The following PCDH9 variants were observed in gnomAD, a reference collection of about 807,000 sequenced individuals.
The protein encoded by PCDH9 is protocadherin-9.
Under a neutral mutation model 70.6 loss-of-function variants are expected in PCDH9, and 24 were observed. The ratio of observed to expected loss-of-function variants is 0.34; its 90% confidence interval spans 0.25 to 0.48. PCDH9 has a LOEUF of 0.48. Among genes scored for constraint, PCDH9 ranks in the 20% least tolerant of loss-of-function variants. The probability of loss-of-function intolerance (pLI) is 0.99; values close to 1 mark genes in which losing one functional copy is unlikely to be tolerated. For synonymous variants in PCDH9, 562 were observed against 558.5 expected (o/e 1.01, Z -0.09); for missense variants, 1,281 against 1,503.6 (o/e 0.85, Z 2.45).
At position 66,399,381 on chromosome 13, in the gene PCDH9, A is replaced by T. The variant is rs538766764; in HGVS notation, c.3341-94353T>A. ...AGACTGCATCTTTCTATCTTTTGCC[A>T]GCGGCTTATTTTTGATGTTCAAGTG... is the stretch of plus-strand genomic sequence containing the variant. On this transcript the variant is annotated intron_variant, in intron 4 of 4. Transcript: ENST00000377865. 5.3e-5 allele frequency among the ~76,000 whole-genome samples: 8 copies of T among 152,252 alleles called. No homozygotes were observed. In the East Asian group the frequency reaches 1.5e-3, roughly 29 times the overall value.
In PCDH9 at chr13:66,305,180, T is replaced by C. The variant is rs183696875; in HGVS notation, c.3341-152A>G. The C allele has an allele frequency of 1.9e-5, 14 of 722,878 alleles. No individual in the cohort carries two copies. The Admixed American group carries it at 2.4e-4, about 13-fold the overall frequency. 44.8% of individuals were successfully genotyped at this position (722,878 alleles called of 1,614,324 possible). On this transcript the variant is annotated intron_variant, in intron 4 of 4. Coordinates refer to ENST00000377865, the MANE Select transcript of PCDH9 (RefSeq NM_203487.3). ...CTCAAAGATATATTTCTCCATCTTT[T>C]AAAGATTAACACAAAAGGCATCAAA... is the stretch of plus-strand genomic sequence containing the variant.
intron 3 of PCDH9, among the ~76,000 whole-genome samples, chr13:66,880,963 A>G (rs1594199957): frequency 1.3e-5 from 2 of 152,176 alleles, no homozygotes; most frequent in South Asian, 4.1e-4. Flanking sequence ...GCAAATTACT[A>G]CACCTTTTAC....
intron 2 of PCDH9, among the ~76,000 whole-genome samples, chr13:67,194,280 C>A (rs1186125131): frequency 1.3e-5 from 2 of 151,966 alleles, no homozygotes; most frequent in Non-Finnish European, 2.9e-5. Flanking sequence ...TTGATTCACT[C>A]ATAAAATCAT....
At chr13:66,895,631 A>G (rs902906287) in intron 3 of PCDH9, among the ~76,000 whole-genome samples, 1 of 152,232 alleles carries the variant, frequency 6.6e-6, no homozygotes, top group African/African-American at 2.4e-5. Flanking sequence ...CTTGAGCAGC[A>G]TTATTTACGA....
chr13:66,727,101 T>C (rs1274807250), intron 3 of PCDH9, among the ~76,000 whole-genome samples: 4 of 152,024 alleles, frequency 2.6e-5, no homozygotes, highest in Non-Finnish European at 5.9e-5. Context: ...ATTCCATTTC[T>C]ACAAAACATT....
At chr13:67,229,410 C>G (rs1266285192) in intron 1 of PCDH9, among the ~76,000 whole-genome samples, 1 of 152,150 alleles carries the variant, frequency 6.6e-6, no homozygotes, top group Admixed American at 6.5e-5. Context: ...AAAAAAAATG[C>G]AATTTCTTAA....
intron 3 of PCDH9, among the ~76,000 whole-genome samples, chr13:66,748,391 C>T (rs1195718216): frequency 2.6e-5 from 4 of 152,092 alleles, no homozygotes; most frequent in Non-Finnish European, 5.9e-5. Flanking sequence ...AGTAGTTAAA[C>T]CACACCAAAT....
At chr13:66,870,147 C>T (rs2081649261) in intron 3 of PCDH9, among the ~76,000 whole-genome samples, 1 of 152,116 alleles carries the variant, frequency 6.6e-6, no homozygotes, top group African/African-American at 2.4e-5. Context: ...ATATGGCTAG[C>T]CAGTTTTCCC....
chr13:66,415,511 T>A (rs777689950), intron 4 of PCDH9, among the ~76,000 whole-genome samples: 42 of 152,270 alleles, frequency 2.8e-4, no homozygotes, highest in Non-Finnish European at 3.5e-4. Context: ...TGTGGCTAGG[T>A]AGTATCCAAA....
intron 3 of PCDH9, among the ~76,000 whole-genome samples, chr13:66,892,917 A>G (rs1161766170): frequency 6.6e-6 from 1 of 152,102 alleles, no homozygotes; most frequent in Non-Finnish European, 1.5e-5. Flanking sequence ...TCTGATTTGC[A>G]TGTTGTTTAA....
At chr13:67,182,008 C>T (rs2088629159) in intron 2 of PCDH9, among the ~76,000 whole-genome samples, 1 of 152,152 alleles carries the variant, frequency 6.6e-6, no homozygotes, top group South Asian at 2.1e-4. Context: ...GGTTCCTCTC[C>T]TCCTGCCTCT....
chr13:66,777,735 G>C (rs540909033), intron 3 of PCDH9, among the ~76,000 whole-genome samples: 1 of 152,258 alleles, frequency 6.6e-6, no homozygotes, highest in East Asian at 1.9e-4. Context: ...GATTCCTCAC[G>C]GATCTAGAAC....
At chr13:66,591,226 T>TA (rs2077035338) in intron 4 of PCDH9, among the ~76,000 whole-genome samples, 1 of 151,770 alleles carries the variant, frequency 6.6e-6, no homozygotes, top group African/African-American at 2.4e-5. Context: ...ACCTAGTTTA[T>TA]TGTTTTGCAC....
intron 2 of PCDH9, among the ~76,000 whole-genome samples, chr13:66,954,730 C>T (rs1256221361): frequency 2.0e-5 from 3 of 152,126 alleles, no homozygotes; most frequent in Non-Finnish European, 4.4e-5. Flanking sequence ...GGGCCCTTGT[C>T]CTAAACTTGC....
In PCDH9 at chr13:66,461,708, G is replaced by A. The variant is rs267313; in HGVS notation, c.3341-156680C>T. 1.2e-3 allele frequency among the ~76,000 whole-genome samples: 186 copies of A among 151,922 alleles called. 1 individual carries two copies. The highest frequency in any genetic ancestry group is 4.3e-3 in the African/African-American group (180 of 41,502). Reference sequence around the variant, plus strand: ...TAGTCCTTTTGTTTTTCTGAGAAATGTTGTCATACAATGCCTTGAGAATTA... The same window carrying A: ...TAGTCCTTTTGTTTTTCTGAGAAATATTGTCATACAATGCCTTGAGAATTA... On this transcript the variant is annotated intron_variant, in intron 4 of 4. Coordinates refer to ENST00000377865, the MANE Select transcript of PCDH9 (RefSeq NM_203487.3).
intron 4 of PCDH9, among the ~76,000 whole-genome samples, chr13:66,380,764 C>T (rs529433552): frequency 1.3e-5 from 2 of 151,970 alleles, no homozygotes; most frequent in East Asian, 3.9e-4. Flanking sequence ...AGGATGGTCT[C>T]GATCTCCTGA....
At chr13:66,581,213 T>G (rs564836805) in intron 4 of PCDH9, among the ~76,000 whole-genome samples, 1 of 152,308 alleles carries the variant, frequency 6.6e-6, no homozygotes, top group African/African-American at 2.4e-5. Context: ...TGAAAAATGC[T>G]TTAGCTTACT....
intron 4 of PCDH9, among the ~76,000 whole-genome samples, chr13:66,343,969 C>T (rs929515629): frequency 2.0e-5 from 3 of 152,128 alleles, no homozygotes; most frequent in Non-Finnish European, 1.5e-5. Flanking sequence ...TTATTTGTTT[C>T]ATGCAGGAAC....
chr13:66,887,787 C>T (rs1160022804), intron 3 of PCDH9, among the ~76,000 whole-genome samples: 1 of 152,106 alleles, frequency 6.6e-6, no homozygotes, highest in Non-Finnish European at 1.5e-5. Context: ...TTAAAGCATA[C>T]TCATATTGAT....
Sources: allele counts gnomAD v4.1 joint callset (sites outside exome capture counted in the v4.1 genomes callset), GRCh38; gene constraint gnomAD v4.1.1; transcripts MANE v1.5; gene names NCBI Gene and HGNC (gene_info 2026-07-23, HGNC 2026-07-21).